Variants in HMGA2 observed in about 807,000 individuals in gnomAD.
HMGA2 encodes the protein high mobility group AT-hook 2, also known as high mobility group protein HMGI-C.
HMGA2 carries 8 observed loss-of-function variants against 19.1 expected under a neutral mutation model. The ratio of observed to expected loss-of-function variants is 0.42; its 90% CI spans 0.25 to 0.76. The LOEUF (loss-of-function observed/expected upper bound fraction) is 0.76, where lower values mean the gene tolerates loss of function less well. HMGA2 is among the 30% of genes least tolerant of loss of function. The probability of loss-of-function intolerance (pLI) is 0.28; values close to 1 mark genes in which losing one functional copy is unlikely to be tolerated. For missense variants in HMGA2, 109 were observed against 136.3 expected (o/e 0.80, Z 1.00); for synonymous variants, 60 against 48.8 (o/e 1.23, Z -0.96).
rs568003874 is a variant in HMGA2 at position 65,909,900 on chromosome 12, C to T, written c.250-41483C>T. Among the ~76,000 whole-genome samples the T allele has an allele frequency of 1.6e-4, 24 of 152,330 alleles. No homozygotes were observed. In the South Asian group the frequency reaches 4.4e-3, roughly 28 times the overall value. ...CCTCTGGCTTCCACATTCACACCCT[C>T]GGTGACCTATTTGGCTCACGTAGTC... On this transcript the variant is annotated intron_variant, in intron 3 of 4. Coordinates refer to ENST00000403681, the MANE Select transcript of HMGA2 (RefSeq NM_003483.6).
intron 3 of HMGA2, among the ~76,000 whole-genome samples, chr12:65,913,904 C>T (rs1874955990): frequency 6.6e-6 from 1 of 152,202 alleles, no homozygotes; most frequent in South Asian, 2.1e-4. Context: ...TTCACTATTT[C>T]CTGGCACTTA....
chr12:65,868,194 T>C lies in HMGA2; in HGVS notation c.249+29625T>C, dbSNP rs1872529195. Among the ~76,000 whole-genome samples the C allele has an allele frequency of 2.0e-5, 3 of 152,224 alleles. No homozygotes were observed. In the South Asian group the frequency reaches 6.2e-4, roughly 32 times the overall value. On this transcript the variant is annotated intron_variant, in intron 3 of 4. Coordinates refer to ENST00000403681, the MANE Select transcript of HMGA2 (RefSeq NM_003483.6). The stretch of plus-strand genomic sequence containing the variant: ...AAGGATCTCTTGTGACAGTAACATC[T>C]CAAGGGGAAACTAGTGGTTAAATTG...
At chr12:65,918,614 T>C (rs1205746238) in intron 3 of HMGA2, among the ~76,000 whole-genome samples, 3 of 152,182 alleles carry the variant, frequency 2.0e-5, no homozygotes, top group African/African-American at 7.2e-5. Context: ...TAAAAACACC[T>C]GAATGCACTT....
At chr12:65,881,640 G>T in intron 3 of HMGA2, 3 of 651,758 alleles carry the variant, frequency 4.6e-6, no homozygotes, top group Non-Finnish European at 8.4e-6. Context: ...GGGAGGGAGG[G>T]AGGGAGGGAG....
chr12:65,881,579 C>T lies in HMGA2; in HGVS notation c.249+43010C>T. ...AAGTAATGGAAAGATCCAGTTATGA[C>T]TGGAACTGTCCTGGCCTGAGTATTG... On this transcript the variant is annotated intron_variant, in intron 3 of 4. Coordinates refer to ENST00000403681, the MANE Select transcript of HMGA2 (RefSeq NM_003483.6). 4 of 597,288 alleles carry T rather than the reference C, an allele frequency of 6.7e-6. No individual in the cohort carries two copies. In the South Asian group the frequency reaches 7.8e-5, roughly 12 times the overall value. 37.0% of individuals were successfully genotyped at this position (597,288 alleles called of 1,614,324 possible). A position where few individuals can be genotyped will look rare whatever the true frequency, so the allele number is the denominator to read the frequency against.
At chr12:65,949,316 T>C (rs1219713534) in intron 3 of HMGA2, among the ~76,000 whole-genome samples, 1 of 152,156 alleles carries the variant, frequency 6.6e-6, no homozygotes, top group Non-Finnish European at 1.5e-5. Context: ...TATGGAATTT[T>C]TAATGTACCA....
In HMGA2 at chr12:65,964,448, A is replaced by G. The variant is rs1315830267; in HGVS notation, c.*1156A>G. Reference sequence around the variant, plus strand: ...ACTTCAAGTAATACGTTTTGACATAAGATGGTTGACCAAGGTGCTTTTCTT... The same window carrying G: ...ACTTCAAGTAATACGTTTTGACATAGGATGGTTGACCAAGGTGCTTTTCTT... On this transcript the variant is annotated 3_prime_UTR_variant, in exon 5 of 5. Coordinates refer to ENST00000403681, the MANE Select transcript of HMGA2 (RefSeq NM_003483.6). 2 of 222,754 alleles carry G rather than the reference A, an allele frequency of 9.0e-6. No individual in the cohort carries two copies. Among genetic ancestry groups the G allele is most frequent in the Non-Finnish European group, 1.8e-5 (2 of 111,282 alleles). 13.8% of individuals were successfully genotyped at this position (222,754 alleles called of 1,614,324 possible).
intron 3 of HMGA2, among the ~76,000 whole-genome samples, chr12:65,887,750 G>A (rs563175363): frequency 2.0e-5 from 3 of 151,840 alleles, no homozygotes; most frequent in South Asian, 2.1e-4. Context: ...AAATCTTAAA[G>A]AACAATAGTT....
intron 4 of HMGA2, chr12:65,958,457 C>T (rs1370207449): frequency 2.0e-5 from 3 of 152,182 alleles, no homozygotes; most frequent in Non-Finnish European, 1.5e-5. Flanking sequence ...GAAATAATCA[C>T]TTTCCATTAA....
At chr12:65,944,060 C>T (rs1876179100) in intron 3 of HMGA2, among the ~76,000 whole-genome samples, 1 of 152,186 alleles carries the variant, frequency 6.6e-6, no homozygotes, top group South Asian at 2.1e-4. Flanking sequence ...GTCTCATCCT[C>T]ACAATGTTGC....
intron 3 of HMGA2, chr12:65,881,725 G>A (rs559281847): frequency 2.8e-6 from 2 of 702,938 alleles, no homozygotes; most frequent in East Asian, 2.7e-5. Context: ...CACTGACTCC[G>A]CACACATTCC....
rs1870119366 is a variant in HMGA2, at chr12:65,825,568, C to T, written c.111+187C>T. On this transcript the variant is annotated intron_variant, in intron 1 of 4. Coordinates refer to ENST00000403681, the MANE Select transcript of HMGA2 (RefSeq NM_003483.6). The surrounding 1 kb of genome is among the most constrained non-coding windows in gnomAD (Gnocchi z 4.4). ...GCGCGGCCCCGGGGCGCCAGCAACCCTCCGGGCGGGGAGGTGGGGAGCCGC... is the reference window on the plus strand; with the variant it reads ...GCGCGGCCCCGGGGCGCCAGCAACCTTCCGGGCGGGGAGGTGGGGAGCCGC... 6.6e-6 allele frequency among the ~76,000 whole-genome samples: 1 copy of T among 150,872 alleles called. No homozygotes were observed. The highest frequency in any genetic ancestry group is 2.1e-4 in the South Asian group (1 of 4,820).
chr12:65,854,596 G>C (rs533232828), intron 3 of HMGA2, among the ~76,000 whole-genome samples: 1 of 152,238 alleles, frequency 6.6e-6, no homozygotes, highest in Admixed American at 6.5e-5. Flanking sequence ...TAAGTTCCAG[G>C]GTGCATGTGC....
chr12:65,953,569 T>C (rs1383353604), intron 4 of HMGA2: 1 of 152,174 alleles, frequency 6.6e-6, no homozygotes, highest in African/African-American at 2.4e-5. Context: ...CAAGAAATAA[T>C]ATAAGTGAAA....
At position 65,963,812 on chromosome 12, in the gene HMGA2, G is replaced by T; in HGVS notation, c.*520G>T. 4.4e-6 allele frequency: 1 copy of T among 225,568 alleles called. No homozygotes were observed. The highest frequency in any genetic ancestry group is 1.8e-4 in the South Asian group (1 of 5,652). The allele number at this position is 225,568 out of a possible 1,614,324, so 14.0% of individuals were successfully genotyped here. On this transcript the variant is annotated 3_prime_UTR_variant, in exon 5 of 5. Coordinates refer to ENST00000403681, the MANE Select transcript of HMGA2 (RefSeq NM_003483.6). ...CCTCTGTTTAGAACACCAAAGATAA[G>T]GACTAGATACTACTTTCTCTTTTTC...
intron 3 of HMGA2, among the ~76,000 whole-genome samples, chr12:65,933,971 G>A (rs966699246): frequency 2.0e-5 from 3 of 152,122 alleles, no homozygotes; most frequent in Non-Finnish European, 4.4e-5. Context: ...CTCAGAAAAA[G>A]CCACAGAACT....
chr12:65,922,732 C>A (rs189861952), intron 3 of HMGA2, among the ~76,000 whole-genome samples: 2 of 152,034 alleles, frequency 1.3e-5, no homozygotes, highest in Non-Finnish European at 2.9e-5. Context: ...TGGCTGTGTC[C>A]CCACCCAATG....
At chr12:65,933,849 C>A (rs1875801635) in intron 3 of HMGA2, among the ~76,000 whole-genome samples, 1 of 152,230 alleles carries the variant, frequency 6.6e-6, no homozygotes, top group East Asian at 1.9e-4. Flanking sequence ...TGTTTGAACC[C>A]ATAGGGCCAT....
At chr12:65,929,465 TATAC>T (rs751061491) in intron 3 of HMGA2, among the ~76,000 whole-genome samples, 18 of 151,272 alleles carry the variant, frequency 1.2e-4, no homozygotes, top group Non-Finnish European at 2.5e-4. Flanking sequence ...TAGATATTTA[TATAC>T]ATACATATGT....
Sources: gnomAD v4.1 joint callset for allele counts (sites outside exome capture counted in the v4.1 genomes callset) on GRCh38, gnomAD v4.1.1 for gene constraint, Gnocchi (gnomAD v3.1) non-coding constraint, MANE v1.5 for transcripts, NCBI Gene and HGNC (gene_info 2026-07-23, HGNC 2026-07-21) for gene names.